WWOX: variants seen among roughly 807,000 people sequenced by gnomAD.
The protein encoded by WWOX is WW domain-containing oxidoreductase.
WWOX carries 69 observed loss-of-function variants against 46.2 expected under a neutral mutation model. The observed-to-expected ratio is 1.49, with a 90% CI of 1.23 to 1.82. The LOEUF (loss-of-function observed/expected upper bound fraction) is 1.82, where lower values mean the gene tolerates loss of function less well. Ranked by LOEUF, WWOX falls within the 40% of genes most tolerant of loss-of-function variation. The pLI, the probability that WWOX is intolerant of heterozygous loss-of-function variation, is 0.00. For missense variants in WWOX, 919 were observed against 542.6 expected, an observed-to-expected ratio of 1.69 and a Z score of -6.89; for synonymous variants, 359 against 202.6, an observed-to-expected ratio of 1.77 and a Z score of -6.56.
intron 8 of WWOX, among the ~76,000 whole-genome samples, chr16:78,669,540 A>G (rs78717297): frequency 0.045 from 6,820 of 152,280 alleles, 518 homozygotes; most frequent in African/African-American, 0.16. Context: ...ACCTACCACA[A>G]AGAGTTACCT....
intron 8 of WWOX, among the ~76,000 whole-genome samples, chr16:78,741,657 C>G (rs922650139): frequency 6.6e-6 from 1 of 152,064 alleles, no homozygotes; most frequent in African/African-American, 2.4e-5. Context: ...GAGTTCAAGA[C>G]CAGGCTGGCC....
At chr16:78,772,897 T>A (rs1025106153) in intron 8 of WWOX, among the ~76,000 whole-genome samples, 1 of 152,078 alleles carries the variant, frequency 6.6e-6, no homozygotes, top group African/African-American at 2.4e-5. Context: ...CAGTGGTACA[T>A]GGCTGTAGTC....
At chr16:78,922,667 C>A (rs915430701) in intron 8 of WWOX, among the ~76,000 whole-genome samples, 1 of 152,152 alleles carries the variant, frequency 6.6e-6, no homozygotes, top group African/African-American at 2.4e-5. Context: ...GCGTGAGCCA[C>A]GACCACCAGC....
intron 8 of WWOX, among the ~76,000 whole-genome samples, chr16:78,654,221 C>G (rs80217800): frequency 0.057 from 8,661 of 152,280 alleles, 343 homozygotes; most frequent in South Asian, 0.17. Flanking sequence ...ATAGAGCTCA[C>G]AGCCCTGAAA....
chr16:78,554,809 C>A (rs983372060), intron 8 of WWOX, among the ~76,000 whole-genome samples: 1 of 152,288 alleles, frequency 6.6e-6, no homozygotes, highest in Non-Finnish European at 1.5e-5. Flanking sequence ...GCCCACTGCC[C>A]ACCCAGAGCC....
At chr16:78,742,299 C>T (rs561566499) in intron 8 of WWOX, among the ~76,000 whole-genome samples, 2 of 152,318 alleles carry the variant, frequency 1.3e-5, no homozygotes, top group Non-Finnish European at 2.9e-5. Context: ...AACGCAGACT[C>T]ATGTGACCCA....
intron 8 of WWOX, among the ~76,000 whole-genome samples, chr16:78,440,173 G>GT (rs1420311356): frequency 3.3e-5 from 5 of 152,136 alleles, no homozygotes; most frequent in African/African-American, 9.7e-5. Flanking sequence ...TATTTTAATA[G>GT]TTTTCTCATT....
intron 8 of WWOX, among the ~76,000 whole-genome samples, chr16:78,615,700 G>A (rs1048349948): frequency 3.5e-5 from 5 of 143,704 alleles, no homozygotes; most frequent in Non-Finnish European, 6.1e-5. Flanking sequence ...ATAAACAGTA[G>A]TGGTTGAAAG....
chr16:78,748,529 C>G (rs905398919), intron 8 of WWOX, among the ~76,000 whole-genome samples: 1 of 152,168 alleles, frequency 6.6e-6, no homozygotes, highest in Non-Finnish European at 1.5e-5. Context: ...CTTGCCCCAT[C>G]TTGGCAGCAA....
At chr16:78,921,119 A>G (rs1397435123) in intron 8 of WWOX, among the ~76,000 whole-genome samples, 4 of 152,180 alleles carry the variant, frequency 2.6e-5, no homozygotes, top group Non-Finnish European at 5.9e-5. Flanking sequence ...GCTTCTTGAC[A>G]TCTTTTTGAA....
At chr16:78,728,175 C>A (rs1261702783) in intron 8 of WWOX, among the ~76,000 whole-genome samples, 1 of 149,166 alleles carries the variant, frequency 6.7e-6, no homozygotes, top group Non-Finnish European at 1.5e-5. Context: ...AGTGATTCTC[C>A]TGCCTCAGCC....
At chr16:78,479,244 G>C (rs1217981521) in intron 8 of WWOX, among the ~76,000 whole-genome samples, 1 of 152,218 alleles carries the variant, frequency 6.6e-6, no homozygotes, top group Admixed American at 6.5e-5. Flanking sequence ...TATGTGTCTG[G>C]CACCACTTCA....
At chr16:78,698,526 A>T (rs892813228) in intron 8 of WWOX, among the ~76,000 whole-genome samples, 10 of 152,166 alleles carry the variant, frequency 6.6e-5, no homozygotes, top group African/African-American at 2.4e-4. Flanking sequence ...TTTTGAGGAG[A>T]TCTAGAATAA....
chr16:79,011,643 C>T (rs144512729), intron 8 of WWOX, among the ~76,000 whole-genome samples: 3 of 151,656 alleles, frequency 2.0e-5, no homozygotes, highest in Non-Finnish European at 2.9e-5. Flanking sequence ...CTGTGATGTG[C>T]CACCATAGCC....
chr16:79,122,845 A>G (rs1107650), intron 8 of WWOX, among the ~76,000 whole-genome samples: 41,852 of 152,082 alleles, frequency 0.28, 6,118 homozygotes, highest in East Asian at 0.46. Flanking sequence ...TCATATGCCC[A>G]TTTTACAGAA....
chr16:78,234,334 A>G (rs2037367449), intron 5 of WWOX, among the ~76,000 whole-genome samples: 1 of 152,048 alleles, frequency 6.6e-6, no homozygotes, highest in Non-Finnish European at 1.5e-5. Context: ...CCTCCCTGTT[A>G]TTACAATGCT....
intron 8 of WWOX, among the ~76,000 whole-genome samples, chr16:78,982,372 A>C (rs1039129695): frequency 1.4e-4 from 22 of 152,228 alleles, no homozygotes; most frequent in South Asian, 6.2e-4. Context: ...GTCATAGTAC[A>C]GCGTGCCATT....
At chr16:78,461,663 C>T (rs886350352) in intron 8 of WWOX, among the ~76,000 whole-genome samples, 26 of 152,326 alleles carry the variant, frequency 1.7e-4, no homozygotes, top group African/African-American at 2.9e-4. Flanking sequence ...TCACAGGTCA[C>T]GCCTGAATAC....
At chr16:79,106,857 G>T (rs1397918256) in intron 8 of WWOX, 2 of 146,778 alleles carry the variant, frequency 1.4e-5, no homozygotes, top group African/African-American at 5.1e-5. Context: ...GCCGAGGCTG[G>T]AGTGAAGTGG....
Sources: gnomAD v4.1 joint callset for allele counts (sites outside exome capture counted in the v4.1 genomes callset) on GRCh38, gnomAD v4.1.1 for gene constraint, MANE v1.5 for transcripts, NCBI Gene and HGNC (gene_info 2026-07-23, HGNC 2026-07-21) for gene names.